Variants in CNTN5 observed in about 807,000 individuals in gnomAD.
CNTN5 encodes the protein contactin 5, also known as contactin-5.
A neutral mutation model predicts 129.1 loss-of-function variants in CNTN5; 77 were observed. The observed-to-expected ratio is 0.60, with a 90% CI of 0.50 to 0.72. The LOEUF (loss-of-function observed/expected upper bound fraction) is 0.72. CNTN5 is among the 30% of genes least tolerant of loss of function. The pLI is 0.00. For missense variants in CNTN5, 1,478 were observed against 1,328.8 expected (o/e 1.11, Z -1.75); for synonymous variants, 509 against 465.6 (o/e 1.09, Z -1.20).
At chr11:99,450,023 A>G (rs1367342299) in intron 2 of CNTN5, among the ~76,000 whole-genome samples, 2 of 152,176 alleles carry the variant, frequency 1.3e-5, no homozygotes, top group Admixed American at 6.5e-5. Context: ...ATGCACAGAA[A>G]AAGGTAATTG....
At chr11:99,682,512 C>T (rs1051496889) in intron 3 of CNTN5, among the ~76,000 whole-genome samples, 1 of 151,852 alleles carries the variant, frequency 6.6e-6, no homozygotes, top group Non-Finnish European at 1.5e-5. Context: ...TTTCTAAATA[C>T]CAAAGTAATT....
At chr11:99,296,013 G>C (rs1864372834) in intron 1 of CNTN5, among the ~76,000 whole-genome samples, 2 of 152,006 alleles carry the variant, frequency 1.3e-5, no homozygotes, top group African/African-American at 4.8e-5. Flanking sequence ...TTATAAGGCT[G>C]GCTGCAAAAT....
chr11:99,691,321 T>C (rs1954031707), intron 3 of CNTN5, among the ~76,000 whole-genome samples: 1 of 152,070 alleles, frequency 6.6e-6, no homozygotes. Flanking sequence ...GGTTCTCTAG[T>C]TTGTTTAGTT....
intron 15 of CNTN5, among the ~76,000 whole-genome samples, chr11:100,206,242 G>T (rs1379883509): frequency 6.6e-6 from 1 of 152,004 alleles, no homozygotes; most frequent in Non-Finnish European, 1.5e-5. Flanking sequence ...AAGTACAAAA[G>T]AAAAAGACTT....
At position 99,570,625 on chromosome 11, in the gene CNTN5, G is replaced by A. The variant is rs974517446; in HGVS notation, c.55+14356G>A. Among the ~76,000 whole-genome samples, 9 of 152,254 alleles carry A rather than the reference G, an allele frequency of 5.9e-5. 1 individual carries two copies. Among genetic ancestry groups the A allele is most frequent in the African/African-American group, 2.2e-4 (9 of 41,540 alleles). ...TTATTATGTGCCTGCTAGATATTTT[G>A]CTAGGTGCTAAGGCTATAGGAGTGA... On this transcript the variant is annotated intron_variant, in intron 3 of 24. Coordinates refer to ENST00000524871, the MANE Select transcript of CNTN5 (RefSeq NM_014361.4).
At chr11:100,048,425 A>G (rs1180941600) in intron 9 of CNTN5, among the ~76,000 whole-genome samples, 6 of 152,160 alleles carry the variant, frequency 3.9e-5, no homozygotes, top group African/African-American at 1.2e-4. Flanking sequence ...GCCAATTCCC[A>G]TAATAAATAC....
chr11:99,482,418 T>C (rs1945636442), intron 2 of CNTN5, among the ~76,000 whole-genome samples: 1 of 152,166 alleles, frequency 6.6e-6, no homozygotes, highest in Non-Finnish European at 1.5e-5. Flanking sequence ...TGTATCTATG[T>C]TGGATCTGTA....
intron 1 of CNTN5, among the ~76,000 whole-genome samples, chr11:99,143,482 A>G (rs1484926383): frequency 2.0e-5 from 3 of 151,474 alleles, no homozygotes; most frequent in East Asian, 3.9e-4. Flanking sequence ...TTTGCAATAT[A>G]GAAGATATTT....
chr11:99,644,554 A>G (rs892366852), intron 3 of CNTN5, among the ~76,000 whole-genome samples: 1 of 152,176 alleles, frequency 6.6e-6, no homozygotes, highest in African/African-American at 2.4e-5. Flanking sequence ...TTTTTCACAG[A>G]TTCCCATCAA....
At chr11:99,436,575 C>T (rs59791022) in intron 2 of CNTN5, among the ~76,000 whole-genome samples, 2,075 of 152,196 alleles carry the variant, frequency 0.014, 54 homozygotes, top group African/African-American at 0.046. Flanking sequence ...GTGTTTATGA[C>T]GGACAGACAT....
At chr11:99,607,107 T>C (rs1443470652) in intron 3 of CNTN5, among the ~76,000 whole-genome samples, 1 of 126,744 alleles carries the variant, frequency 7.9e-6, no homozygotes, top group Non-Finnish European at 1.7e-5. Flanking sequence ...TGGGATCTAA[T>C]GAAACTAAAG....
At chr11:99,959,444 TA>T (rs1180307014) in intron 8 of CNTN5, among the ~76,000 whole-genome samples, 1 of 152,198 alleles carries the variant, frequency 6.6e-6, no homozygotes, top group African/African-American at 2.4e-5. Context: ...TCTCCCATCC[TA>T]TTTCAATAGA....
Position 100,024,247 on chromosome 11 carries a change from T to G in CNTN5, c.980+22111T>G, listed in dbSNP as rs536592246. 2.0e-5 allele frequency among the ~76,000 whole-genome samples: 3 copies of G among 152,290 alleles called. No individual in the cohort carries two copies. The South Asian group carries it at 6.2e-4, about 32-fold the overall frequency. ...TTTCCCCTTTGCTAGGCACTTCTCT[T>G]TCCTGCCACCTTGTGAAAAAGGTGC... On this transcript the variant is annotated intron_variant, in intron 9 of 24. Transcript: ENST00000524871.
In CNTN5 at chr11:99,943,779, A is replaced by G. The variant is rs763063091; in HGVS notation, c.674-13027A>G. Among the ~76,000 whole-genome samples the G allele has an allele frequency of 1.1e-4, 16 of 152,250 alleles. No individual in the cohort carries two copies. In the South Asian group the frequency reaches 2.3e-3, roughly 22 times the overall value. On this transcript the variant is annotated intron_variant, in intron 7 of 24. Transcript: ENST00000524871. ...CTACCCAGTTTTCCCACCATCATCT[A>G]TTAAACAGGGAATCCTTTCCCCATT... is the stretch of plus-strand genomic sequence containing the variant.
At chr11:100,247,149 T>A (rs999247765) in intron 16 of CNTN5, among the ~76,000 whole-genome samples, 4 of 152,102 alleles carry the variant, frequency 2.6e-5, no homozygotes, top group Admixed American at 1.3e-4. Context: ...GAGCATAGAT[T>A]CAAAATGTGA....
chr11:99,785,082 G>C (rs1945469642), intron 3 of CNTN5, among the ~76,000 whole-genome samples: 1 of 151,950 alleles, frequency 6.6e-6, no homozygotes, highest in African/African-American at 2.4e-5. Flanking sequence ...GCCTCCCAAA[G>C]TGCTGGGATT....
At chr11:99,224,657 A>ATTTT (rs3082693) in intron 1 of CNTN5, among the ~76,000 whole-genome samples, 16,387 of 108,482 alleles carry the variant, frequency 0.15, 1,905 homozygotes, top group East Asian at 0.27. Flanking sequence ...CCAAGGTTGC[A>ATTTT]TTTTTTTTTT....
intron 7 of CNTN5, among the ~76,000 whole-genome samples, chr11:99,924,107 AC>A (rs1950005404): frequency 1.3e-5 from 2 of 152,084 alleles, no homozygotes; most frequent in South Asian, 4.1e-4. Context: ...TTTTTGTTTT[AC>A]TTTTTATTAA....
At chr11:99,695,256 G>A (rs1388389927) in intron 3 of CNTN5, among the ~76,000 whole-genome samples, 3 of 151,878 alleles carry the variant, frequency 2.0e-5, no homozygotes, top group South Asian at 4.1e-4. Context: ...TTCTGTTTTG[G>A]GTGGTTAGAA....
Sources: allele counts gnomAD v4.1 joint callset (sites outside exome capture counted in the v4.1 genomes callset), GRCh38; gene constraint gnomAD v4.1.1; transcripts MANE v1.5; gene names NCBI Gene and HGNC (gene_info 2026-07-23, HGNC 2026-07-21).